The following LARP4 variants were observed in gnomAD, a reference collection of about 807,000 sequenced individuals.
LARP4 encodes the protein la-related protein 4.
In LARP4, 29 loss-of-function variants were observed where a neutral mutation model predicts 92.9. That is an observed-to-expected ratio of 0.31 (90% confidence interval 0.23 to 0.43). The LOEUF is 0.43. Among genes scored for constraint, LARP4 ranks in the 20% least tolerant of loss-of-function variants. The probability of loss-of-function intolerance (pLI) is 1.00; values close to 1 mark genes in which losing one functional copy is unlikely to be tolerated. For synonymous variants in LARP4, 279 were observed against 284.1 expected, an observed-to-expected ratio of 0.98 and a Z score of 0.18; for missense variants, 732 against 860.0, an observed-to-expected ratio of 0.85 and a Z score of 1.86.
At chr12:50,413,364 G>A (rs1432408981) in intron 1 of LARP4, among the ~76,000 whole-genome samples, 1 of 152,236 alleles carries the variant, frequency 6.6e-6, no homozygotes, top group East Asian at 1.9e-4. Flanking sequence ...AAGGATTTTA[G>A]TTGTGTGTGG....
Position 50,437,694 on chromosome 12 carries a change from AC to A in LARP4, c.536-40del, listed in dbSNP as rs374538323. 2.0e-4 allele frequency: 220 copies of A among 1,126,870 alleles called. No individual in the cohort carries two copies. In the East Asian group the frequency reaches 4.6e-3, roughly 24 times the overall value. 69.8% of individuals were successfully genotyped at this position (1,126,870 alleles called of 1,614,324 possible). On this transcript the variant is annotated intron_variant, in intron 5 of 15. Transcript: ENST00000398473. Reference sequence around the variant, plus strand: ...CTTTAATGGCATTAATAATATCACTACTTGTCACGTTTGAGTGATACCCTTT... The same window carrying A: ...CTTTAATGGCATTAATAATATCACTATTGTCACGTTTGAGTGATACCCTTT...
At position 50,409,003 on chromosome 12, in the gene LARP4, G is replaced by C. The variant is rs114583428; in HGVS notation, c.18+7975G>C. Among the ~76,000 whole-genome samples the C allele has an allele frequency of 9.8e-3, 1,482 of 151,986 alleles. 29 individuals carry two copies. The highest frequency in any genetic ancestry group is 0.034 in the African/African-American group (1,418 of 41,434). On this transcript the variant is annotated intron_variant, in intron 1 of 15. Coordinates refer to ENST00000398473, the MANE Select transcript of LARP4 (RefSeq NM_052879.5). ...TAAAAATTTTTTTTTTAAATATATT[G>C]GCTGTGGAAAATGTAAATTTATAGG...
At chr12:50,429,497 G>A (rs1017790708) in intron 3 of LARP4, among the ~76,000 whole-genome samples, 5 of 152,062 alleles carry the variant, frequency 3.3e-5, no homozygotes, top group South Asian at 2.1e-4. Flanking sequence ...ATAATCCCAA[G>A]ATCATGCCAC....
chr12:50,454,803 T>C (rs1053661969), intron 10 of LARP4: 1 of 161,556 alleles, frequency 6.2e-6, no homozygotes, highest in African/African-American at 2.4e-5. Flanking sequence ...TTGGGATGTA[T>C]GTTATTCAGG....
At chr12:50,409,780 A>G (rs1235279760) in intron 1 of LARP4, among the ~76,000 whole-genome samples, 9 of 151,214 alleles carry the variant, frequency 6.0e-5, no homozygotes, top group Admixed American at 5.9e-4. Context: ...AAAAAAAGAA[A>G]AGAAAAAGAA....
chr12:50,473,814 T>TGGGGGGGGG (rs1191247709), intron 14 of LARP4, among the ~76,000 whole-genome samples, 185 bp from the exon 15 acceptor site: 1 of 8,708 alleles, frequency 1.1e-4, no homozygotes, highest in African/African-American at 3.0e-4. Flanking sequence ...GGTGGGGGGG[T>TGGGGGGGGG]GGGGGGGGTG....
chr12:50,432,538 A>T (rs1949808991), intron 4 of LARP4, among the ~76,000 whole-genome samples: 2 of 152,122 alleles, frequency 1.3e-5, no homozygotes, highest in African/African-American at 4.8e-5. Context: ...TAGCTCTTTA[A>T]CTTCCTACCC....
intron 13 of LARP4, among the ~76,000 whole-genome samples, chr12:50,470,435 C>A (rs1956794683): frequency 6.6e-6 from 1 of 151,114 alleles, no homozygotes; most frequent in South Asian, 2.1e-4. Flanking sequence ...TTCTTTCTTT[C>A]TTTCTTTTTT....
At chr12:50,436,149 C>T (rs1174930446) in intron 5 of LARP4, among the ~76,000 whole-genome samples, 2 of 125,662 alleles carry the variant, frequency 1.6e-5, no homozygotes, top group Non-Finnish European at 3.3e-5. Flanking sequence ...GTATATATCC[C>T]GCTGGGGTGT....
At chr12:50,469,110 T>C (rs1956568515) in intron 13 of LARP4, among the ~76,000 whole-genome samples, 1 of 152,150 alleles carries the variant, frequency 6.6e-6, no homozygotes, top group Non-Finnish European at 1.5e-5. Flanking sequence ...GTTTTTCTGC[T>C]CTCAAATTGA....
At position 50,436,384 on chromosome 12, in the gene LARP4, G is replaced by A. The variant is rs1370533254; in HGVS notation, c.535+760G>A. ...CATCATGCCCACTTAAGAAGTATAA[G>A]CAATTAAGTCTCATTTTTCTGGAGT... On this transcript the variant is annotated intron_variant, in intron 5 of 15. Transcript: ENST00000398473. 2.6e-5 allele frequency among the ~76,000 whole-genome samples: 4 copies of A among 152,060 alleles called. No homozygotes were observed. In the East Asian group the frequency reaches 5.8e-4, roughly 22 times the overall value.
intron 1 of LARP4, among the ~76,000 whole-genome samples, chr12:50,403,308 T>G (rs1049078422): frequency 3.3e-5 from 5 of 152,220 alleles, no homozygotes; most frequent in Non-Finnish European, 7.3e-5. Context: ...AACTGAAATC[T>G]AAATGGAAAA....
intron 1 of LARP4, among the ~76,000 whole-genome samples, chr12:50,417,065 A>C (rs1946926516): frequency 6.6e-6 from 1 of 152,202 alleles, no homozygotes; most frequent in Non-Finnish European, 1.5e-5. Flanking sequence ...TACAGCAAGC[A>C]CTTTTTGCAT....
chr12:50,416,034 G>C (rs972643706), intron 1 of LARP4, among the ~76,000 whole-genome samples: 5 of 152,166 alleles, frequency 3.3e-5, no homozygotes, highest in Middle Eastern at 6.8e-3. Flanking sequence ...GCAGGCATGT[G>C]ACCTACAGAC....
chr12:50,473,549 G>A lies in LARP4; in HGVS notation c.1667+13G>A, dbSNP rs187466108. The A allele has an allele frequency of 6.3e-5, 101 of 1,607,258 alleles. No homozygotes were observed. Among genetic ancestry groups the A allele is most frequent in the Non-Finnish European group, 8.2e-5 (96 of 1,175,176 alleles). On this transcript the variant is annotated intron_variant, in intron 14 of 15. Transcript: ENST00000398473. ...TTACTGCATTAAGGTACAAGTTATA[G>A]TATAGAAGATCTTCAACATTAAATT...
chr12:50,471,654 G>A (rs1223979243), intron 13 of LARP4, among the ~76,000 whole-genome samples: 1 of 152,124 alleles, frequency 6.6e-6, no homozygotes. Context: ...CTCCTGAATG[G>A]TGAATACAGG....
intron 3 of LARP4, 34 bp downstream of exon 3, chr12:50,429,124 T>C (rs375309011): frequency 2.6e-5 from 40 of 1,533,002 alleles, no homozygotes; most frequent in Admixed American, 5.1e-5. Context: ...AAAATGAGAA[T>C]TCAGTACAGG....
chr12:50,473,089 G>A (rs932641259), intron 13 of LARP4, among the ~76,000 whole-genome samples: 4 of 152,118 alleles, frequency 2.6e-5, no homozygotes, highest in African/African-American at 9.7e-5. Flanking sequence ...GAAAGTGCTG[G>A]GATTACAGGT....
Position 50,430,561 on chromosome 12 carries a change from G to A in LARP4, c.389G>A (p.Cys130Tyr). The change falls in exon 4 of 16, where the codon TGT (cysteine) becomes TAT (tyrosine). Residue 130 changes from cysteine to tyrosine, a missense_variant. Transcript: ENST00000398473. ...TGTCTGAAGAAACAATTAGAATTCT[G>A]TTTTTCACGGTATTGCTGTTTCCCC... ...KECLKKQLEF[C>Y]FSRENLSKDL... 1 of 1,594,320 alleles carries A rather than the reference G, an allele frequency of 6.3e-7. No homozygotes were observed. The highest frequency in any genetic ancestry group is 1.1e-5 in the South Asian group (1 of 89,862).
Sources: gnomAD v4.1 joint callset for allele counts (sites outside exome capture counted in the v4.1 genomes callset) on GRCh38, gnomAD v4.1.1 for gene constraint, MANE v1.5 for transcripts, NCBI Gene and HGNC (gene_info 2026-07-23, HGNC 2026-07-21) for gene names.